PPA1: variants seen among roughly 807,000 people sequenced by gnomAD.
PPA1 encodes inorganic pyrophosphatase.
In PPA1, 23 loss-of-function variants were observed where a neutral mutation model predicts 41.8. The observed-to-expected ratio is 0.55, with a 90% CI of 0.40 to 0.78. The LOEUF is 0.78. PPA1 is among the 30% of genes least tolerant of loss of function. The pLI, the probability that PPA1 is intolerant of heterozygous loss-of-function variation, is 0.00. For synonymous variants in PPA1, 101 were observed against 116.8 expected, an observed-to-expected ratio of 0.86 and a Z score of 0.87; for missense variants, 320 against 361.6, an observed-to-expected ratio of 0.89 and a Z score of 0.93.
chr10:70,209,794 T>C (rs1839995972), intron 6 of PPA1, 109 bp from the exon 7 acceptor site: 1 of 1,272,166 alleles, frequency 7.9e-7, no homozygotes, highest in Non-Finnish European at 1.1e-6. Flanking sequence ...CAACAAAAAT[T>C]CCAAGTACTT....
chr10:70,205,187 A>T (rs1213316950), intron 9 of PPA1: 1 of 213,388 alleles, frequency 4.7e-6, no homozygotes, highest in Non-Finnish European at 9.2e-6. Flanking sequence ...GTTCAAGACC[A>T]GCCTGGCCAA....
intron 2 of PPA1, among the ~76,000 whole-genome samples, chr10:70,224,731 ATTTT>A (rs1205621509): frequency 8.9e-6 from 1 of 111,782 alleles, no homozygotes; most frequent in Non-Finnish European, 1.7e-5. Context: ...TTATTTATTT[ATTTT>A]ATTTTATTTT....
chr10:70,225,115 C>T (rs998264805), intron 2 of PPA1, among the ~76,000 whole-genome samples: 1 of 152,186 alleles, frequency 6.6e-6, no homozygotes, highest in African/African-American at 2.4e-5. Flanking sequence ...TTAGCATTTT[C>T]AAGTTGACTC....
chr10:70,210,148 C>A, intron 6 of PPA1: 1 of 314,968 alleles, frequency 3.2e-6, no homozygotes, highest in Non-Finnish European at 6.1e-6. Context: ...GTGGCCCGAA[C>A]AAGGCTCACT....
At chr10:70,220,602 TA>T (rs1460067703) in intron 2 of PPA1, among the ~76,000 whole-genome samples, 1 of 8,464 alleles carries the variant, frequency 1.2e-4, no homozygotes, top group Non-Finnish European at 2.3e-4. Flanking sequence ...ATATATAATT[TA>T]TATATATATT....
At chr10:70,205,928 C>G (rs1404575800) in intron 9 of PPA1, 6 of 216,500 alleles carry the variant, frequency 2.8e-5, no homozygotes, top group Non-Finnish European at 5.6e-5. Flanking sequence ...AGAACCAAGT[C>G]AAGTAAATTC....
intron 2 of PPA1, among the ~76,000 whole-genome samples, chr10:70,225,277 G>C (rs1238288385): frequency 1.3e-5 from 2 of 151,972 alleles, no homozygotes; most frequent in Non-Finnish European, 2.9e-5. Flanking sequence ...AAGTGCAGTG[G>C]CATGATCTCA....
chr10:70,213,543 A>G lies in PPA1; in HGVS notation c.431T>C (p.Leu144Ser). The G allele has an allele frequency of 6.2e-7, 1 of 1,614,034 alleles. No homozygotes were observed. Among genetic ancestry groups the G allele is most frequent in the Non-Finnish European group, 8.5e-7 (1 of 1,179,936 alleles). Residue 144 changes from leucine to serine, a missense_variant, in exon 6 of 11, where the codon TTG (leucine) becomes TCG (serine). Physicochemically the swap from Leu to Ser is moderately radical, Grantham distance 145. Coordinates refer to ENST00000373232, the MANE Select transcript of PPA1 (RefSeq NM_021129.4). ...EIIGVKVLGI[L>S]AMIDEGETDW... is the part of the protein sequence containing the mutation. The stretch of plus-strand genomic sequence containing the variant: ...GGTTTCCCCTTCGTCAATCATAGCC[A>G]ATATGCCTAGAACTTTCACGCCAAT...
chr10:70,220,955 A>ATAAC (rs1554830601), intron 2 of PPA1, among the ~76,000 whole-genome samples: 4 of 9,574 alleles, frequency 4.2e-4, no homozygotes, highest in African/African-American at 6.6e-4. Flanking sequence ...ATTTATATAT[A>ATAAC]ATATATATAA....
intron 1 of PPA1, among the ~76,000 whole-genome samples, chr10:70,232,857 C>CT (rs892311657): frequency 6.7e-6 from 1 of 150,238 alleles, no homozygotes; most frequent in African/African-American, 2.5e-5. Context: ...AGTCACTGCC[C>CT]CCCCCGGCCC....
At chr10:70,207,851 C>A (rs2136752575) in intron 8 of PPA1, among the ~76,000 whole-genome samples, 1 of 152,050 alleles carries the variant, frequency 6.6e-6, no homozygotes, top group Admixed American at 6.5e-5. Context: ...TCAAGTTTTC[C>A]TATATATTAG....
intron 2 of PPA1, among the ~76,000 whole-genome samples, chr10:70,227,948 C>T (rs569289769): frequency 6.6e-6 from 1 of 152,096 alleles, no homozygotes; most frequent in African/African-American, 2.4e-5. Flanking sequence ...TCAAGTTAAT[C>T]AGATTTTTTT....
chr10:70,214,122 G>A (rs1840051771), intron 5 of PPA1, among the ~76,000 whole-genome samples: 1 of 152,156 alleles, frequency 6.6e-6, no homozygotes, highest in South Asian at 2.1e-4. Context: ...CAACTCATGA[G>A]GTTATTTGGT....
At chr10:70,214,917 G>A (rs1840062178) in intron 4 of PPA1, among the ~76,000 whole-genome samples, 2 of 152,190 alleles carry the variant, frequency 1.3e-5, no homozygotes, top group South Asian at 4.1e-4. Flanking sequence ...GTTTTAGGCT[G>A]GGTATGATGG....
intron 6 of PPA1, 33 bp downstream of exon 6, chr10:70,213,430 T>C (rs756680412): frequency 3.1e-6 from 5 of 1,610,930 alleles, no homozygotes; most frequent in Non-Finnish European, 2.5e-6. Context: ...ATGAATTAAT[T>C]AGAAAGACTT....
At chr10:70,232,117 T>C (rs1298687716) in intron 1 of PPA1, among the ~76,000 whole-genome samples, 6 of 152,216 alleles carry the variant, frequency 3.9e-5, no homozygotes, top group African/African-American at 1.4e-4. Flanking sequence ...TTTTACCTGA[T>C]AGTTAACCTT....
rs1267795934 is a variant in PPA1, at chr10:70,220,715, A to ATT, written c.124-1900_124-1899dup. Among the ~76,000 whole-genome samples the ATT allele has an allele frequency of 4.5e-4, 4 of 8,868 alleles. 1 individual carries two copies. Among genetic ancestry groups the ATT allele is most frequent in the African/African-American group, 1.4e-3 (2 of 1,394 alleles). The allele number at this position is 8,868 out of a possible 152,430, so 5.8% of individuals were successfully genotyped here. A position where few individuals can be genotyped will look rare whatever the true frequency, so the allele number is the denominator to read the frequency against. On this transcript the variant is annotated intron_variant, in intron 2 of 10. Coordinates refer to ENST00000373232, the MANE Select transcript of PPA1 (RefSeq NM_021129.4). ...AATTTATATATATATAATATATATA[A>ATT]TTTATATATATAATATATATAATTT...
At chr10:70,229,225 A>G (rs1840262228) in intron 2 of PPA1, among the ~76,000 whole-genome samples, 1 of 152,224 alleles carries the variant, frequency 6.6e-6, no homozygotes, top group African/African-American at 2.4e-5. Flanking sequence ...ACAATATAAA[A>G]AGACAAAAAT....
intron 2 of PPA1, among the ~76,000 whole-genome samples, chr10:70,228,021 T>G (rs1840251040): frequency 6.6e-6 from 1 of 152,166 alleles, no homozygotes. Flanking sequence ...ACAAGTAACT[T>G]CCTTTAAAAC....
Sources: gnomAD v4.1 joint callset for allele counts (sites outside exome capture counted in the v4.1 genomes callset) on GRCh38, gnomAD v4.1.1 for gene constraint, MANE v1.5 for transcripts, NCBI Gene and HGNC (gene_info 2026-07-23, HGNC 2026-07-21) for gene names.